CHMP5: variants seen among roughly 807,000 people sequenced by gnomAD.
CHMP5 encodes the protein SNF7 domain containing 2.
In CHMP5, 17 loss-of-function variants were observed where a neutral mutation model predicts 33.0. That is an observed-to-expected ratio of 0.52 (90% CI 0.35 to 0.77). The LOEUF is 0.77. CHMP5 is among the 30% of genes least tolerant of loss of function. CHMP5 has a pLI of 0.01. For missense variants in CHMP5, 216 were observed against 261.5 expected, an observed-to-expected ratio of 0.83 and a Z score of 1.20; for synonymous variants, 76 against 90.2, an observed-to-expected ratio of 0.84 and a Z score of 0.89.
At chr9:33,265,254 C>T in intron 1 of CHMP5, 107 bp downstream of exon 1, 1 of 1,000,562 alleles carries the variant, frequency 1.0e-6, no homozygotes, top group South Asian at 1.3e-5. Flanking sequence ...GGGTCCTGGG[C>T]CCCTTACACG....
chr9:33,265,877 T>A, intron 1 of CHMP5, 133 bp from the exon 2 acceptor site: 1 of 553,608 alleles, frequency 1.8e-6, no homozygotes, highest in Middle Eastern at 2.8e-4. Context: ...AATACCCTTC[T>A]TTGTGAACCA....
Position 33,280,918 on chromosome 9 carries a change from T to C in CHMP5, c.*59T>C, listed in dbSNP as rs1325851074. ...ACACATATTATGGGACTAGGAAATA[T>C]TTATCTTTCCAAATTTGCCATAACA... is the stretch of plus-strand genomic sequence containing the variant. On this transcript the variant is annotated 3_prime_UTR_variant, in exon 8 of 8. Transcript: ENST00000223500. The C allele has an allele frequency of 7.1e-7, 1 of 1,408,166 alleles. No individual in the cohort carries two copies. The highest frequency in any genetic ancestry group is 2.4e-5 in the East Asian group (1 of 42,264). 87.2% of individuals were successfully genotyped at this position (1,408,166 alleles called of 1,614,324 possible).
At chr9:33,275,828 G>C (rs771445296) in intron 5 of CHMP5, among the ~76,000 whole-genome samples, 9 of 152,060 alleles carry the variant, frequency 5.9e-5, no homozygotes, top group Non-Finnish European at 1.2e-4. Flanking sequence ...TAACCAACAT[G>C]GCAAAACCCC....
chr9:33,265,174 G>C (rs778660606), intron 1 of CHMP5, 27 bp downstream of exon 1: 2 of 1,611,856 alleles, frequency 1.2e-6, no homozygotes, highest in Non-Finnish European at 1.7e-6. Context: ...GCATAAGTAG[G>C]CTCAGGACCT....
At chr9:33,278,270 C>CT in intron 7 of CHMP5, 45 bp downstream of exon 7, 1 of 1,137,672 alleles carries the variant, frequency 8.8e-7, no homozygotes, top group Non-Finnish European at 1.3e-6. Context: ...ATAGCAAAGG[C>CT]TTTATGCTTG....
intron 3 of CHMP5, among the ~76,000 whole-genome samples, chr9:33,269,095 T>C (rs970342219): frequency 6.6e-6 from 1 of 152,226 alleles, no homozygotes; most frequent in Non-Finnish European, 1.5e-5. Context: ...ATAAAGAACA[T>C]AGTGACATAA....
chr9:33,278,638 CTT>C (rs78182977), intron 7 of CHMP5, among the ~76,000 whole-genome samples: 3 of 145,150 alleles, frequency 2.1e-5, no homozygotes. Context: ...CTTTCTTTTT[CTT>C]TTTTTTTTTT....
At chr9:33,272,460 G>C (rs1178188349) in intron 5 of CHMP5, among the ~76,000 whole-genome samples, 1 of 151,636 alleles carries the variant, frequency 6.6e-6, no homozygotes, top group African/African-American at 2.4e-5. Context: ...AAAATACCAG[G>C]CATTTTATTG....
chr9:33,281,814 G>A lies in CHMP5; in HGVS notation c.*955G>A, dbSNP rs1030616276. On this transcript the variant is annotated 3_prime_UTR_variant, in exon 8 of 8. Transcript: ENST00000223500. ...GTCATAAGTACCTTGTTAACTGCAA[G>A]GGGCTATTCTTATATGAGGGATTGT... 1 of 152,228 alleles carries A rather than the reference G, an allele frequency of 6.6e-6. No homozygotes were observed. Among genetic ancestry groups the A allele is most frequent in the Admixed American group, 6.5e-5 (1 of 15,286 alleles). 9.4% of individuals were successfully genotyped at this position (152,228 alleles called of 1,614,324 possible). A position where few individuals can be genotyped will look rare whatever the true frequency, so the allele number is the denominator to read the frequency against.
At position 33,281,444 on chromosome 9, in the gene CHMP5, A is replaced by C. The variant is rs997316680; in HGVS notation, c.*585A>C. On this transcript the variant is annotated 3_prime_UTR_variant, in exon 8 of 8. Coordinates refer to ENST00000223500, the MANE Select transcript of CHMP5 (RefSeq NM_016410.6). The stretch of plus-strand genomic sequence containing the variant: ...AGTATTACATCTTGACTTGTAATCA[A>C]TTATGAATATTTCTTGATATTTAAT... 8 of 152,674 alleles carry C rather than the reference A, an allele frequency of 5.2e-5. No individual in the cohort carries two copies. The highest frequency in any genetic ancestry group is 1.9e-4 in the African/African-American group (8 of 41,460). The allele number at this position is 152,674 out of a possible 1,614,324, so 9.5% of individuals were successfully genotyped here.
chr9:33,266,249 G>A lies in CHMP5; in HGVS notation c.174+135G>A, dbSNP rs540445776. 3 of 509,478 alleles carry A rather than the reference G, an allele frequency of 5.9e-6. No individual in the cohort carries two copies. The South Asian group carries it at 6.3e-5, about 11-fold the overall frequency. The allele number at this position is 509,478 out of a possible 1,614,324, so 31.6% of individuals were successfully genotyped here. On this transcript the variant is annotated intron_variant, in intron 2 of 7. Coordinates refer to ENST00000223500, the MANE Select transcript of CHMP5 (RefSeq NM_016410.6). Reference sequence around the variant, plus strand: ...GCACTTTGGGAGGCTGAGGCGGGTGGATCACGAGGTCAGGCATTTGAGACT... The same window carrying A: ...GCACTTTGGGAGGCTGAGGCGGGTGAATCACGAGGTCAGGCATTTGAGACT...
intron 6 of CHMP5, among the ~76,000 whole-genome samples, chr9:33,276,843 T>G (rs1310362415): frequency 6.6e-6 from 1 of 152,160 alleles, no homozygotes; most frequent in Non-Finnish European, 1.5e-5. Flanking sequence ...CTTGCTGTAT[T>G]CCTTTTGATT....
At chr9:33,274,050 C>G (rs1449351213) in intron 5 of CHMP5, among the ~76,000 whole-genome samples, 1 of 151,882 alleles carries the variant, frequency 6.6e-6, no homozygotes, top group Non-Finnish European at 1.5e-5. Flanking sequence ...TTTTACTACC[C>G]TTTTCACCTT....
chr9:33,269,393 AC>A (rs1564085719), intron 3 of CHMP5, among the ~76,000 whole-genome samples: 1 of 152,170 alleles, frequency 6.6e-6, no homozygotes, highest in African/African-American at 2.4e-5. Flanking sequence ...AATCCCACCT[AC>A]TTGGGAGGCT....
intron 6 of CHMP5, 142 bp downstream of exon 6, chr9:33,276,706 C>T (rs1213782346): frequency 3.4e-6 from 2 of 592,312 alleles, no homozygotes; most frequent in East Asian, 2.9e-5. Flanking sequence ...GGGCAAAGAG[C>T]TTGTGAGGCA....
intron 1 of CHMP5, 141 bp from the exon 2 acceptor site, chr9:33,265,869 T>C: frequency 1.9e-6 from 1 of 532,232 alleles, no homozygotes. Context: ...TGGTTGGGAA[T>C]ACCCTTCTTT....
At position 33,270,606 on chromosome 9, in the gene CHMP5, C is replaced by G. The variant is rs1482994154; in HGVS notation, c.222-17C>G. On this transcript the variant is annotated splice_polypyrimidine_tract_variant and intron_variant, in intron 3 of 7. Transcript: ENST00000223500. ...ATCTGGTTCATATATTTGCCATTCT[C>G]AATTGACTCTAAAAAGGTATGAGCA... 1.3e-6 allele frequency: 2 copies of G among 1,599,290 alleles called. No homozygotes were observed. The highest frequency in any genetic ancestry group is 1.7e-6 in the Non-Finnish European group (2 of 1,167,114).
chr9:33,276,008 CAATA>C (rs973389560), intron 5 of CHMP5, among the ~76,000 whole-genome samples: 52 of 152,160 alleles, frequency 3.4e-4, no homozygotes, highest in African/African-American at 1.2e-3. Flanking sequence ...GACTCCATCT[CAATA>C]AATAAATAAA....
chr9:33,280,981 A>G lies in CHMP5; in HGVS notation c.*122A>G. ...TTTCCTTTCTTTGAAGGAAAGTTTA[A>G]TTACATTGCTCTTTTATTTTTTCCA... On this transcript the variant is annotated 3_prime_UTR_variant, in exon 8 of 8. Transcript: ENST00000223500. 1.5e-6 allele frequency: 1 copy of G among 673,512 alleles called. No homozygotes were observed. The highest frequency in any genetic ancestry group is 2.5e-6 in the Non-Finnish European group (1 of 407,402). The allele number at this position is 673,512 out of a possible 1,614,324, so 41.7% of individuals were successfully genotyped here. A position where few individuals can be genotyped will look rare whatever the true frequency, so the allele number is the denominator to read the frequency against.
Sources: gnomAD v4.1 joint callset for allele counts (sites outside exome capture counted in the v4.1 genomes callset) on GRCh38, gnomAD v4.1.1 for gene constraint, MANE v1.5 for transcripts, NCBI Gene and HGNC (gene_info 2026-07-23, HGNC 2026-07-21) for gene names.